Variants in PTPRD observed in about 807,000 individuals in gnomAD.
PTPRD encodes the protein receptor-type tyrosine-protein phosphatase delta.
PTPRD carries 34 observed loss-of-function variants against 214.5 expected under a neutral mutation model. The observed-to-expected ratio is 0.16, with a 90% confidence interval of 0.12 to 0.21. The LOEUF is 0.21. Among genes scored for constraint, PTPRD ranks in the 10% least tolerant of loss-of-function variants. The pLI is 1.00. For missense variants in PTPRD, 2,545 were observed against 2,398.7 expected (o/e 1.06, Z -1.27); for synonymous variants, 1,128 against 845.7 (o/e 1.33, Z -5.79).
At chr9:10,327,460 G>A (rs1207680116) in intron 3 of PTPRD, among the ~76,000 whole-genome samples, 1 of 151,256 alleles carries the variant, frequency 6.6e-6, no homozygotes, top group African/African-American at 2.4e-5. Context: ...TTATTGTAAG[G>A]TCTCACGTGT....
In PTPRD at chr9:8,384,739, T is replaced by C. The variant is rs763901438; in HGVS notation, c.4386+4493A>G. ...TGGGGTTTTTCCTTGTTGGTCACGC[T>C]GGTCTCGAACTCCTGACCTCAGGTG... On this transcript the variant is annotated intron_variant, in intron 37 of 45. Coordinates refer to ENST00000381196, the MANE Select transcript of PTPRD (RefSeq NM_002839.4). 1.0e-3 allele frequency among the ~76,000 whole-genome samples: 158 copies of C among 152,290 alleles called. No individual in the cohort carries two copies. In the Middle Eastern group the frequency reaches 0.024, roughly 23 times the overall value.
intron 45 of PTPRD, 44 bp from the exon 46 acceptor site, chr9:8,317,986 G>T: frequency 6.6e-7 from 1 of 1,520,788 alleles, no homozygotes; most frequent in South Asian, 1.1e-5. Flanking sequence ...AAGGGACCAT[G>T]AGCATATTTT....
At chr9:9,113,667 G>A (rs1347869767) in intron 10 of PTPRD, among the ~76,000 whole-genome samples, 4 of 152,084 alleles carry the variant, frequency 2.6e-5, no homozygotes, top group East Asian at 1.9e-4. Context: ...TCATACCTCT[G>A]CATCTGTTAC....
At chr9:9,559,456 G>C (rs1317732625) in intron 8 of PTPRD, among the ~76,000 whole-genome samples, 1 of 152,222 alleles carries the variant, frequency 6.6e-6, no homozygotes, top group Non-Finnish European at 1.5e-5. Flanking sequence ...ACTATCTGTG[G>C]TCACATGCAC....
chr9:10,250,435 A>G (rs1023562581), intron 3 of PTPRD, among the ~76,000 whole-genome samples: 24 of 152,258 alleles, frequency 1.6e-4, no homozygotes, highest in Non-Finnish European at 2.8e-4. Context: ...CAGAAAGCCT[A>G]GAAAGTCTTT....
chr9:9,293,145 A>T (rs1185775504), intron 9 of PTPRD, among the ~76,000 whole-genome samples: 1 of 151,612 alleles, frequency 6.6e-6, no homozygotes, highest in Non-Finnish European at 1.5e-5. Flanking sequence ...TGAAATAACC[A>T]CATAAATTAT....
chr9:8,988,010 A>G (rs895617859), intron 11 of PTPRD, among the ~76,000 whole-genome samples: 1 of 151,930 alleles, frequency 6.6e-6, no homozygotes, highest in Non-Finnish European at 1.5e-5. Flanking sequence ...AGTGAAAGCA[A>G]AAGGGAGAGA....
At chr9:10,346,791 T>A (rs2097091861) in intron 2 of PTPRD, among the ~76,000 whole-genome samples, 1 of 152,168 alleles carries the variant, frequency 6.6e-6, no homozygotes, top group Non-Finnish European at 1.5e-5. Context: ...TGCACAGGTG[T>A]GGGTCTGAAA....
intron 14 of PTPRD, among the ~76,000 whole-genome samples, chr9:8,581,191 A>T (rs1361050182): frequency 6.6e-6 from 1 of 151,642 alleles, no homozygotes; most frequent in African/African-American, 2.4e-5. Flanking sequence ...TTAGGAATAT[A>T]TTATAAAAAA....
chr9:10,002,725 A>C (rs887251894), intron 4 of PTPRD, among the ~76,000 whole-genome samples: 8 of 151,550 alleles, frequency 5.3e-5, no homozygotes, highest in Admixed American at 6.6e-5. Context: ...AGAAATAGAA[A>C]ATTTAACAAT....
At chr9:10,053,425 G>C (rs928105456) in intron 3 of PTPRD, among the ~76,000 whole-genome samples, 1 of 152,100 alleles carries the variant, frequency 6.6e-6, no homozygotes. Context: ...GAGGCATTTG[G>C]TCAGGAGTTT....
chr9:10,208,491 G>A (rs1042925434), intron 3 of PTPRD, among the ~76,000 whole-genome samples: 2 of 152,240 alleles, frequency 1.3e-5, no homozygotes, highest in Non-Finnish European at 2.9e-5. Flanking sequence ...TCCAGCCTGG[G>A]CGACAGAGCG....
chr9:10,004,182 A>T, intron 4 of PTPRD, among the ~76,000 whole-genome samples: 1 of 151,916 alleles, frequency 6.6e-6, no homozygotes, highest in Non-Finnish European at 1.5e-5. Flanking sequence ...AAATGTGCCT[A>T]AATACATTAA....
intron 43 of PTPRD, among the ~76,000 whole-genome samples, chr9:8,336,640 A>AC (rs1847107263): frequency 6.7e-6 from 1 of 150,338 alleles, no homozygotes; most frequent in African/African-American, 2.4e-5. Context: ...AAAAAAAAAA[A>AC]AAAAAACTAC....
In PTPRD at chr9:9,518,875, T is replaced by C. The variant is rs185127004; in HGVS notation, c.-237+55857A>G. Among the ~76,000 whole-genome samples, 3 of 152,142 alleles carry C rather than the reference T, an allele frequency of 2.0e-5. No individual in the cohort carries two copies. In the East Asian group the frequency reaches 5.8e-4, roughly 29 times the overall value. ...TATGACGGCTAAAAGATTTTTATAA[T>C]ATATGTCCCTCCCTTGATTAATTTG... On this transcript the variant is annotated intron_variant, in intron 8 of 45. Transcript: ENST00000381196.
At chr9:9,333,359 G>C (rs548382311) in intron 9 of PTPRD, among the ~76,000 whole-genome samples, 1 of 151,330 alleles carries the variant, frequency 6.6e-6, no homozygotes, top group East Asian at 1.9e-4. Flanking sequence ...CACATGAGGA[G>C]GGGAGAGGAT....
intron 11 of PTPRD, among the ~76,000 whole-genome samples, chr9:8,998,067 A>G (rs916406408): frequency 5.3e-5 from 8 of 152,140 alleles, no homozygotes; most frequent in Admixed American, 6.6e-5. Flanking sequence ...CTGTCTCCAT[A>G]ACATAATAGT....
chr9:8,433,384 T>A (rs2095185819), intron 35 of PTPRD, among the ~76,000 whole-genome samples: 1 of 152,228 alleles, frequency 6.6e-6, no homozygotes, highest in South Asian at 2.1e-4. Context: ...ATTGTTATTT[T>A]AAAATGCACT....
At chr9:9,591,767 G>A in intron 7 of PTPRD, among the ~76,000 whole-genome samples, 1 of 152,012 alleles carries the variant, frequency 6.6e-6, no homozygotes, top group South Asian at 2.1e-4. Context: ...TCAAATCAGG[G>A]TCATTAGCAT....
Sources: gnomAD v4.1 joint callset for allele counts (sites outside exome capture counted in the v4.1 genomes callset) on GRCh38, gnomAD v4.1.1 for gene constraint, MANE v1.5 for transcripts, NCBI Gene and HGNC (gene_info 2026-07-23, HGNC 2026-07-21) for gene names.